The following UGT1A9 variants were observed in gnomAD, a reference collection of about 807,000 sequenced individuals.
UGT1A9 encodes UDP glucuronosyltransferase family 1 member A9.
A neutral mutation model predicts 45.0 loss-of-function variants in UGT1A9; 35 were observed. The observed-to-expected ratio is 0.78, with a 90% CI of 0.59 to 1.03. UGT1A9 has a LOEUF of 1.03. UGT1A9 is among the 50% of genes least tolerant of loss of function. The probability of loss-of-function intolerance (pLI) is 0.00; values close to 1 mark genes in which losing one functional copy is unlikely to be tolerated. For synonymous variants in UGT1A9, 278 were observed against 250.6 expected (o/e 1.11, Z -1.03); for missense variants, 687 against 666.6 (o/e 1.03, Z -0.34).
chr2:233,695,036 G>A (rs2075254966), intron 1 of UGT1A9, among the ~76,000 whole-genome samples: 1 of 151,854 alleles, frequency 6.6e-6, no homozygotes, highest in Non-Finnish European at 1.5e-5. Flanking sequence ...ATACATTCTT[G>A]TTAACCATAG....
intron 1 of UGT1A9, among the ~76,000 whole-genome samples, chr2:233,689,453 A>C (rs1166849064): frequency 6.6e-6 from 1 of 152,232 alleles, no homozygotes; most frequent in Non-Finnish European, 1.5e-5. Context: ...GCAAGGATAC[A>C]TTTTAGGAAA....
chr2:233,754,416 A>G, intron 1 of UGT1A9: 1 of 342,596 alleles, frequency 2.9e-6, no homozygotes, highest in South Asian at 2.4e-5. Flanking sequence ...AACAATAAAG[A>G]CAGGCATTGG....
Position 233,772,392 on chromosome 2 carries a change from C to T in UGT1A9, c.1426C>T (p.His476Tyr), listed in dbSNP as rs753109787. 4 of 1,614,252 alleles carry T rather than the reference C, an allele frequency of 2.5e-6. No homozygotes were observed. Among genetic ancestry groups the T allele is most frequent in the East Asian group, 2.2e-5 (1 of 44,876 alleles). ...KGAPHLRPAA[H>Y]DLTWYQYHSL... is the part of the protein sequence containing the mutation. Reference sequence around the variant, plus strand: ...CGCGCCACACCTGCGCCCCGCAGCCCACGACCTCACCTGGTACCAGTACCA... The same window carrying T: ...CGCGCCACACCTGCGCCCCGCAGCCTACGACCTCACCTGGTACCAGTACCA... Residue 476 changes from histidine (H) to tyrosine (Y), a missense_variant, in exon 5 of 5, where the codon CAC (histidine) becomes TAC (tyrosine). Coordinates refer to ENST00000354728, the MANE Select transcript of UGT1A9 (RefSeq NM_021027.3).
rs1248862284 is a variant in UGT1A9, at chr2:233,768,128, C to G, written c.1076-92C>G. On this transcript the variant is annotated intron_variant, in intron 3 of 4. Transcript: ENST00000354728. ...TTTCTGCAAGGGCATGTGAGTAACA[C>G]TGAGTCTTTGGAGTGTTTTCAGAAC... 5 of 1,605,354 alleles carry G rather than the reference C, an allele frequency of 3.1e-6. No homozygotes were observed. In the East Asian group the frequency reaches 1.1e-4, roughly 36 times the overall value.
intron 1 of UGT1A9, among the ~76,000 whole-genome samples, chr2:233,763,104 C>A (rs548930615): frequency 6.6e-6 from 1 of 152,314 alleles, no homozygotes; most frequent in East Asian, 1.9e-4. Flanking sequence ...AGGCACCGAA[C>A]TTTATCAGCT....
intron 1 of UGT1A9, among the ~76,000 whole-genome samples, chr2:233,694,833 A>C (rs2075242896): frequency 6.6e-6 from 1 of 152,210 alleles, no homozygotes; most frequent in African/African-American, 2.4e-5. Flanking sequence ...AAAACATAGA[A>C]TGTCAGGATT....
chr2:233,680,505 C>A (rs1043496833), intron 1 of UGT1A9, among the ~76,000 whole-genome samples: 1 of 152,136 alleles, frequency 6.6e-6, no homozygotes, highest in Non-Finnish European at 1.5e-5. Context: ...TGTGCTTCTA[C>A]AAGAATTATG....
intron 1 of UGT1A9, among the ~76,000 whole-genome samples, chr2:233,701,507 A>G (rs1166715177): frequency 2.0e-5 from 3 of 152,208 alleles, no homozygotes; most frequent in Non-Finnish European, 4.4e-5. Context: ...ATAGACATCT[A>G]CAGAACTCTC....
chr2:233,729,686 G>A (rs1336517970), intron 1 of UGT1A9: 2 of 1,613,912 alleles, frequency 1.2e-6, no homozygotes, highest in Admixed American at 1.7e-5. Context: ...GGCACACAGT[G>A]TCCAAACCCT....
intron 1 of UGT1A9, chr2:233,692,854 T>C (rs571815189): frequency 2.0e-6 from 3 of 1,463,420 alleles, no homozygotes; most frequent in African/African-American, 2.8e-5. Context: ...TTAATTTGGG[T>C]TCTTACATAT....
At chr2:233,677,764 T>C (rs1238531469) in intron 1 of UGT1A9, among the ~76,000 whole-genome samples, 1 of 152,036 alleles carries the variant, frequency 6.6e-6, no homozygotes, top group Non-Finnish European at 1.5e-5. Flanking sequence ...TGGGAAGTAG[T>C]TTGGAGATTT....
chr2:233,768,337 C>A lies in UGT1A9; in HGVS notation c.1193C>A (p.Ala398Glu). 1 of 1,614,128 alleles carries A rather than the reference C, an allele frequency of 6.2e-7. No individual in the cohort carries two copies. Among genetic ancestry groups the A allele is most frequent in the African/African-American group, 1.3e-5 (1 of 75,022 alleles). ...TTGTTTGGTGATCAGATGGACAATG[C>A]AAAGCGCATGGAGACTAAGGGAGCT... The part of the protein sequence containing the change: ...MPLFGDQMDN[A>E]KRMETKGAGV... The change falls in exon 4 of 5, where the codon GCA becomes GAA. Residue 398 changes from alanine to glutamate, a missense_variant. Coordinates refer to ENST00000354728, the MANE Select transcript of UGT1A9 (RefSeq NM_021027.3).
chr2:233,772,868 T>C lies in UGT1A9; in HGVS notation c.*309T>C, dbSNP rs982401399. ...TTCTTACTCTGAAACATGGCCTGTT[T>C]GGGAGTGCGGGATTCAAAGGTGGTC... is the stretch of plus-strand genomic sequence containing the variant. On this transcript the variant is annotated 3_prime_UTR_variant, in exon 5 of 5. Coordinates refer to ENST00000354728, the MANE Select transcript of UGT1A9 (RefSeq NM_021027.3). 2 of 641,930 alleles carry C rather than the reference T, an allele frequency of 3.1e-6. No individual in the cohort carries two copies. The highest frequency in any genetic ancestry group is 3.7e-5 in the African/African-American group (2 of 53,644). 39.8% of individuals were successfully genotyped at this position (641,930 alleles called of 1,614,324 possible).
chr2:233,680,557 G>A (rs2074490857), intron 1 of UGT1A9, among the ~76,000 whole-genome samples: 1 of 152,146 alleles, frequency 6.6e-6, no homozygotes. Flanking sequence ...ATGCTCCTCA[G>A]TGTGTTGCCT....
At chr2:233,728,679 GAA>G (rs1247668399) in intron 1 of UGT1A9, among the ~76,000 whole-genome samples, 1 of 152,248 alleles carries the variant, frequency 6.6e-6, no homozygotes, top group Non-Finnish European at 1.5e-5. Flanking sequence ...TACATGAGAA[GAA>G]AGTTTCAAGG....
intron 1 of UGT1A9, chr2:233,719,342 G>T (rs1239122112): frequency 6.2e-7 from 1 of 1,613,870 alleles, no homozygotes. Flanking sequence ...TTTTTTGGAG[G>T]TACATTCCAT....
At chr2:233,694,135 G>A (rs2075201567) in intron 1 of UGT1A9, among the ~76,000 whole-genome samples, 1 of 152,152 alleles carries the variant, frequency 6.6e-6, no homozygotes, top group African/African-American at 2.4e-5. Context: ...CTCATTGAAT[G>A]AGCCTTAGAA....
chr2:233,675,734 A>T (rs1422335513), intron 1 of UGT1A9, among the ~76,000 whole-genome samples: 4 of 152,200 alleles, frequency 2.6e-5, no homozygotes, highest in African/African-American at 9.7e-5. Flanking sequence ...TGCTCTACTA[A>T]TTCATCTATC....
At position 233,676,334 on chromosome 2, in the gene UGT1A9, A is replaced by G. The variant is rs2074356296; in HGVS notation, c.855+3545A>G. Among the ~76,000 whole-genome samples, 4 of 152,296 alleles carry G rather than the reference A, an allele frequency of 2.6e-5. No homozygotes were observed. The South Asian group carries it at 8.3e-4, about 32-fold the overall frequency. On this transcript the variant is annotated intron_variant, in intron 1 of 4. Coordinates refer to ENST00000354728, the MANE Select transcript of UGT1A9 (RefSeq NM_021027.3). ...CTGTTGAGTGACTTTTCTTACAAAT[A>G]CTTCATTGTAGAATAAATATAGGAT...
Sources: gnomAD v4.1 joint callset for allele counts (sites outside exome capture counted in the v4.1 genomes callset) on GRCh38, gnomAD v4.1.1 for gene constraint, MANE v1.5 for transcripts, NCBI Gene and HGNC (gene_info 2026-07-23, HGNC 2026-07-21) for gene names.